SLC2A13: variants seen among roughly 807,000 people sequenced by gnomAD.
The protein encoded by SLC2A13 is solute carrier family 2 member 13, also known as proton myo-inositol cotransporter.
Under a neutral mutation model 64.4 loss-of-function variants are expected in SLC2A13, and 32 were observed. That is an observed-to-expected ratio of 0.50 (90% CI 0.37 to 0.67). The LOEUF (loss-of-function observed/expected upper bound fraction) is 0.67. Ranked by LOEUF, SLC2A13 falls within the 30% of genes least tolerant of loss-of-function variation. The pLI is 0.00. For synonymous variants in SLC2A13, 338 were observed against 327.1 expected, an observed-to-expected ratio of 1.03 and a Z score of -0.36; for missense variants, 743 against 829.2, an observed-to-expected ratio of 0.90 and a Z score of 1.28.
In SLC2A13 at chr12:39,758,316, G is replaced by A. The variant is rs1313335492; in HGVS notation, c.*1710C>T. On this transcript the variant is annotated 3_prime_UTR_variant, in exon 10 of 10. Coordinates refer to ENST00000280871, the MANE Select transcript of SLC2A13 (RefSeq NM_052885.4). Reference sequence around the variant, plus strand: ...ACTTAGAGAATGAACTTCCTCAGCTGTATTCTCAGCTTGATAACTGTGATA... The same window carrying A: ...ACTTAGAGAATGAACTTCCTCAGCTATATTCTCAGCTTGATAACTGTGATA... The A allele has an allele frequency of 6.6e-6, 1 of 151,842 alleles. No homozygotes were observed. The highest frequency in any genetic ancestry group is 1.5e-5 in the Non-Finnish European group (1 of 67,752). 9.4% of individuals were successfully genotyped at this position (151,842 alleles called of 1,614,324 possible).
intron 4 of SLC2A13, among the ~76,000 whole-genome samples, chr12:39,883,110 A>G (rs1267866824): frequency 6.6e-6 from 1 of 152,204 alleles, no homozygotes; most frequent in African/African-American, 2.4e-5. Context: ...TTTAAAGTAT[A>G]TAATTCAGTG....
chr12:39,948,500 C>A (rs991323112), intron 4 of SLC2A13, among the ~76,000 whole-genome samples: 6 of 152,026 alleles, frequency 3.9e-5, no homozygotes, highest in African/African-American at 1.4e-4. Context: ...AGATAAAAAA[C>A]TAAACACAGT....
intron 4 of SLC2A13, among the ~76,000 whole-genome samples, chr12:39,924,095 CTTTCA>C (rs1238818003): frequency 6.6e-6 from 1 of 152,004 alleles, no homozygotes; most frequent in Non-Finnish European, 1.5e-5. Context: ...AAATAATTTT[CTTTCA>C]TTTATCTTTT....
At chr12:40,025,918 A>T (rs555072130) in intron 3 of SLC2A13, among the ~76,000 whole-genome samples, 3 of 152,258 alleles carry the variant, frequency 2.0e-5, no homozygotes, top group African/African-American at 7.2e-5. Flanking sequence ...GGACAAGACC[A>T]TGTCAGTTTG....
chr12:39,814,751 G>T (rs939001848), intron 7 of SLC2A13, among the ~76,000 whole-genome samples: 2 of 151,862 alleles, frequency 1.3e-5, no homozygotes, highest in African/African-American at 4.8e-5. Context: ...TAGTAAGAAA[G>T]AAATTTTAAA....
In SLC2A13 at chr12:40,100,514, G is replaced by A. The variant is rs527504370; in HGVS notation, c.556+4739C>T. 7.9e-5 allele frequency among the ~76,000 whole-genome samples: 12 copies of A among 152,270 alleles called. No individual in the cohort carries two copies. In the South Asian group the frequency reaches 2.5e-3, roughly 32 times the overall value. ...ACAATTTCTTTTGTGTTATGCATGG[G>A]AGATACACAATGATAGAAAATAAAT... On this transcript the variant is annotated intron_variant, in intron 1 of 9. Coordinates refer to ENST00000280871, the MANE Select transcript of SLC2A13 (RefSeq NM_052885.4).
rs79757443 is a variant in SLC2A13, at chr12:39,977,952, T to G, written c.926-26587A>C. Among the ~76,000 whole-genome samples, 251 of 152,348 alleles carry G rather than the reference T, an allele frequency of 1.6e-3. 5 individuals carry two copies. The East Asian group carries it at 0.044, about 27-fold the overall frequency. ...CCTATCTAAATTATTATCTTTATGA[T>G]AATTTTTCTTCAGAGGCCTGTGTAT... On this transcript the variant is annotated intron_variant, in intron 3 of 9. Transcript: ENST00000280871.
chr12:39,923,668 GTA>G (rs72398744), intron 4 of SLC2A13, among the ~76,000 whole-genome samples: 1,623 of 105,916 alleles, frequency 0.015, 16 homozygotes, highest in African/African-American at 0.037. Context: ...GTGATTATAT[GTA>G]TATATATATA....
intron 6 of SLC2A13, among the ~76,000 whole-genome samples, chr12:39,835,106 T>C (rs1942969976): frequency 6.6e-6 from 1 of 152,110 alleles, no homozygotes; most frequent in South Asian, 2.1e-4. Flanking sequence ...CTCATAAGAA[T>C]ACTCTAAGCA....
rs1555144676 is a variant in SLC2A13 at position 39,972,022 on chromosome 12, T to TTTATATA, written c.926-20658_926-20657insTATATAA. On this transcript the variant is annotated intron_variant, in intron 3 of 9. Transcript: ENST00000280871. ...AATATATATATATATATATTTTTTT[T>TTTATATA]TATATAAATATATATATAAATTATA... 5.6e-3 allele frequency among the ~76,000 whole-genome samples: 514 copies of TTTATATA among 92,276 alleles called. 11 individuals are homozygous for TTTATATA. Among genetic ancestry groups the TTTATATA allele is most frequent in the African/African-American group, 0.014 (343 of 24,278 alleles). The allele number at this position is 92,276 out of a possible 152,430, so 60.5% of individuals were successfully genotyped here. A position where few individuals can be genotyped will look rare whatever the true frequency, so the allele number is the denominator to read the frequency against.
Position 39,997,365 on chromosome 12 carries a change from C to T in SLC2A13, c.925+30936G>A, listed in dbSNP as rs191728075. ...AGAATGAAACTGGATCCTCATCTCT[C>T]ACCTTATACAAAAATCAACTCAAGA... is the stretch of plus-strand genomic sequence containing the variant. On this transcript the variant is annotated intron_variant, in intron 3 of 9. Coordinates refer to ENST00000280871, the MANE Select transcript of SLC2A13 (RefSeq NM_052885.4). 1.4e-3 allele frequency among the ~76,000 whole-genome samples: 208 copies of T among 152,286 alleles called. 2 individuals are homozygous for T. The highest frequency in any genetic ancestry group is 4.9e-3 in the African/African-American group (202 of 41,542).
At chr12:39,785,472 G>A in intron 7 of SLC2A13, among the ~76,000 whole-genome samples, 1 of 152,222 alleles carries the variant, frequency 6.6e-6, no homozygotes, top group East Asian at 1.9e-4. Flanking sequence ...GCAAAAGTTT[G>A]CTGCAGGGGC....
chr12:39,883,902 T>C (rs1466686627), intron 4 of SLC2A13, among the ~76,000 whole-genome samples: 1 of 152,168 alleles, frequency 6.6e-6, no homozygotes, highest in Non-Finnish European at 1.5e-5. Flanking sequence ...ATCTCATCTA[T>C]TAAAAATAAT....
chr12:40,050,344 T>G (rs1331807908), intron 1 of SLC2A13, among the ~76,000 whole-genome samples: 1 of 152,156 alleles, frequency 6.6e-6, no homozygotes, highest in Non-Finnish European at 1.5e-5. Context: ...CAACACATGC[T>G]CATAAAAAAC....
chr12:39,913,976 C>T (rs962169714), intron 4 of SLC2A13, among the ~76,000 whole-genome samples: 3 of 151,838 alleles, frequency 2.0e-5, no homozygotes, highest in Non-Finnish European at 4.4e-5. Context: ...AAAAAGTCTC[C>T]AAAGAATCAA....
intron 7 of SLC2A13, among the ~76,000 whole-genome samples, chr12:39,818,319 A>G (rs1237137949): frequency 1.1e-4 from 8 of 73,098 alleles, no homozygotes; most frequent in East Asian, 5.5e-4. Flanking sequence ...GACATTAAAT[A>G]CTGATCGGTA....
At chr12:39,988,745 C>T (rs1264175190) in intron 3 of SLC2A13, among the ~76,000 whole-genome samples, 1 of 150,904 alleles carries the variant, frequency 6.6e-6, no homozygotes, top group Non-Finnish European at 1.5e-5. Flanking sequence ...GAGGAAAATG[C>T]TGCTAAAGAG....
intron 4 of SLC2A13, among the ~76,000 whole-genome samples, chr12:39,923,692 ACGCG>A (rs552926927): frequency 9.9e-6 from 1 of 101,406 alleles, no homozygotes; most frequent in Non-Finnish European, 2.2e-5. Context: ...ATATATGCGC[ACGCG>A]CACACACACA....
chr12:39,995,403 T>TCCC (rs202141999), intron 3 of SLC2A13, among the ~76,000 whole-genome samples: 17 of 151,944 alleles, frequency 1.1e-4, no homozygotes, highest in African/African-American at 4.1e-4. Flanking sequence ...TCTTCTCATT[T>TCCC]CCCCTCCCCG....
Sources: gnomAD v4.1 joint callset for allele counts (sites outside exome capture counted in the v4.1 genomes callset) on GRCh38, gnomAD v4.1.1 for gene constraint, MANE v1.5 for transcripts, NCBI Gene and HGNC (gene_info 2026-07-23, HGNC 2026-07-21) for gene names.